The following PPP1R37 variants were observed in gnomAD, a reference collection of about 807,000 sequenced individuals.
PPP1R37 encodes the protein protein phosphatase 1 regulatory subunit 37.
A neutral mutation model predicts 61.0 loss-of-function variants in PPP1R37; 21 were observed. That is an observed-to-expected ratio of 0.34 (90% confidence interval 0.24 to 0.50). The LOEUF (loss-of-function observed/expected upper bound fraction) is 0.50, where lower values mean the gene tolerates loss of function less well. Among genes scored for constraint, PPP1R37 ranks in the 20% least tolerant of loss-of-function variants. The pLI is 0.98. For missense variants in PPP1R37, 910 were observed against 952.7 expected, an observed-to-expected ratio of 0.96 and a Z score of 0.59; for synonymous variants, 443 against 433.5, an observed-to-expected ratio of 1.02 and a Z score of -0.27.
chr19:45,104,029 C>T (rs957367463), intron 1 of PPP1R37, among the ~76,000 whole-genome samples: 6 of 152,132 alleles, frequency 3.9e-5, no homozygotes, highest in African/African-American at 4.8e-5. Context: ...GCACGCCCCT[C>T]GCTAGTCCCC....
intron 1 of PPP1R37, among the ~76,000 whole-genome samples, chr19:45,111,822 A>G (rs772421923): frequency 2.0e-5 from 3 of 152,198 alleles, no homozygotes; most frequent in East Asian, 3.9e-4. Flanking sequence ...AGGTTCAATA[A>G]AAAGGGAAAG....
intron 1 of PPP1R37, among the ~76,000 whole-genome samples, chr19:45,134,895 G>A (rs1014411237): frequency 6.6e-6 from 1 of 152,166 alleles, no homozygotes; most frequent in Non-Finnish European, 1.5e-5. Context: ...TGTGGGGAGT[G>A]AAGGTTGCCA....
At position 45,145,086 on chromosome 19, in the gene PPP1R37, C is replaced by G. The variant is rs1463413139; in HGVS notation, c.1130-8C>G. On this transcript the variant is annotated splice_polypyrimidine_tract_variant and splice_region_variant and intron_variant, in intron 9 of 12. Coordinates refer to ENST00000221462, the MANE Select transcript of PPP1R37 (RefSeq NM_019121.2). ...GGCCCGTGGCCAGCCCCTGCGGTGCCCCCCCAGGCGCGGTGGCGGTGGCGG... is the reference window on the plus strand; with the variant it reads ...GGCCCGTGGCCAGCCCCTGCGGTGCGCCCCCAGGCGCGGTGGCGGTGGCGG... 2.0e-6 allele frequency: 3 copies of G among 1,531,850 alleles called. No individual in the cohort carries two copies. The highest frequency in any genetic ancestry group is 2.6e-6 in the Non-Finnish European group (3 of 1,145,112). 94.9% of individuals were successfully genotyped at this position (1,531,850 alleles called of 1,614,324 possible).
At chr19:45,132,588 A>T (rs1968491787) in intron 1 of PPP1R37, among the ~76,000 whole-genome samples, 1 of 151,986 alleles carries the variant, frequency 6.6e-6, no homozygotes, top group African/African-American at 2.4e-5. Flanking sequence ...GGCACACACT[A>T]CCACGCCTGG....
At position 45,138,621 on chromosome 19, in the gene PPP1R37, G is replaced by A. The variant is rs1968568088; in HGVS notation, c.300+10G>A. The A allele has an allele frequency of 5.5e-6, 8 of 1,449,514 alleles. No homozygotes were observed. Among genetic ancestry groups the A allele is most frequent in the African/African-American group, 4.2e-5 (3 of 71,296 alleles). 89.8% of individuals were successfully genotyped at this position (1,449,514 alleles called of 1,614,324 possible). ...CCTCAGGCAGCTGCAGGTATGGGCG[G>A]GACAGGGTGGGTGCGTCCGGTGTGG... On this transcript the variant is annotated intron_variant, in intron 2 of 12. Coordinates refer to ENST00000221462, the MANE Select transcript of PPP1R37 (RefSeq NM_019121.2).
chr19:45,125,333 C>T (rs951858004), intron 1 of PPP1R37, among the ~76,000 whole-genome samples: 15 of 151,866 alleles, frequency 9.9e-5, no homozygotes, highest in Middle Eastern at 3.4e-3. Context: ...TGTGGTGGCG[C>T]GTGCCTGTAG....
Position 45,093,484 on chromosome 19 carries a change from T to C in PPP1R37, c.159T>C (p.Asp53=). The stretch of plus-strand genomic sequence containing the variant: ...GCGTCACATTCCCGTCCGACGAGGA[T>C]ATCGTGTCTGGAGCAGTGGAGCCCA... ...AKRVTFPSDE[D]IVSGAVEPKD... Residue 53 remains aspartate, a synonymous_variant, in exon 1 of 13, where the codon GAT becomes GAC. Transcript: ENST00000221462. 1 of 1,535,200 alleles carries C rather than the reference T, an allele frequency of 6.5e-7. No individual in the cohort carries two copies. The highest frequency in any genetic ancestry group is 8.7e-7 in the Non-Finnish European group (1 of 1,146,616).
At chr19:45,143,686 C>CT in intron 8 of PPP1R37, 53 bp downstream of exon 8, 1 of 1,050,858 alleles carries the variant, frequency 9.5e-7, no homozygotes, top group South Asian at 1.4e-5. Flanking sequence ...TGCCACCTCC[C>CT]ACTCCAGCTC....
At chr19:45,119,998 T>C (rs183651418) in intron 1 of PPP1R37, among the ~76,000 whole-genome samples, 1 of 150,992 alleles carries the variant, frequency 6.6e-6, no homozygotes, top group East Asian at 1.9e-4. Context: ...GAGCACAGAT[T>C]TTTTATTTTC....
chr19:45,146,124 GT>G, intron 11 of PPP1R37, 75 bp downstream of exon 11: 2 of 1,398,444 alleles, frequency 1.4e-6, no homozygotes, highest in Non-Finnish European at 1.9e-6. Flanking sequence ...CCTGCCTGTT[GT>G]GGACCTCAGT....
At chr19:45,132,070 A>G (rs1438466256) in intron 1 of PPP1R37, among the ~76,000 whole-genome samples, 1 of 152,138 alleles carries the variant, frequency 6.6e-6, no homozygotes, top group Non-Finnish European at 1.5e-5. Flanking sequence ...AAATACTCAC[A>G]CACCCAAACA....
chr19:45,104,847 T>G (rs1968109771), intron 1 of PPP1R37, among the ~76,000 whole-genome samples: 1 of 151,964 alleles, frequency 6.6e-6, no homozygotes, highest in African/African-American at 2.4e-5. Context: ...CGCAGGCAGC[T>G]CCCCACATCC....
Position 45,145,429 on chromosome 19 carries a change from C to T in PPP1R37, c.1373C>T (p.Ala458Val). The change falls in exon 11 of 13, where the codon GCG (alanine) becomes GTG (valine). Residue 458 changes from alanine (A) to valine (V), a missense_variant. Around this residue, in one of 3 missense-constraint regions of PPP1R37, gnomAD observed 549 missense variants for 505.1 expected, o/e 1.09. Transcript: ENST00000221462. ...GGCTGCAAGCGCAACTTGGTGCTGG[C>T]GCGGGAGAGGGAGGAGAAGGAGCAG... The part of the protein sequence containing the change: ...QNGCKRNLVL[A>V]REREEKEQPP... The T allele has an allele frequency of 2.6e-6, 4 of 1,535,284 alleles. No individual in the cohort carries two copies. Among genetic ancestry groups the T allele is most frequent in the Non-Finnish European group, 3.5e-6 (4 of 1,146,626 alleles).
chr19:45,098,027 A>G (rs1417503959), intron 1 of PPP1R37, among the ~76,000 whole-genome samples: 1 of 152,170 alleles, frequency 6.6e-6, no homozygotes, highest in Admixed American at 6.5e-5. Flanking sequence ...AAACAGGGCC[A>G]GTGATCCCTG....
intron 1 of PPP1R37, among the ~76,000 whole-genome samples, chr19:45,100,871 C>T (rs1968054528): frequency 6.6e-6 from 1 of 152,200 alleles, no homozygotes; most frequent in African/African-American, 2.4e-5. Context: ...CTGTCCTCAG[C>T]ATTGCCTGCT....
rs144950603 is a variant in PPP1R37, at chr19:45,135,142, G to A, written c.203-3372G>A. The stretch of plus-strand genomic sequence containing the variant: ...GTGTGCCTGTAATTCCAGCAACTCG[G>A]GAGGCTGAGGCAGGAGAATCGCTTG... On this transcript the variant is annotated intron_variant, in intron 1 of 12. Coordinates refer to ENST00000221462, the MANE Select transcript of PPP1R37 (RefSeq NM_019121.2). Among the ~76,000 whole-genome samples, 213 of 152,288 alleles carry A rather than the reference G, an allele frequency of 1.4e-3. 4 individuals carry two copies. Among genetic ancestry groups the A allele is most frequent in the Admixed American group, 0.012 (182 of 15,300 alleles).
chr19:45,106,807 CTTTTTTTTTTTTT>C (rs927426410), intron 1 of PPP1R37, among the ~76,000 whole-genome samples: 29 of 78,148 alleles, frequency 3.7e-4, no homozygotes, highest in East Asian at 2.9e-3. Context: ...TGTTGAGCAT[CTTTTTTTTTTTTT>C]TTTTTTTTTT....
chr19:45,146,219 G>T (rs985255139), intron 11 of PPP1R37, 170 bp downstream of exon 11: 2 of 948,140 alleles, frequency 2.1e-6, no homozygotes, highest in Non-Finnish European at 3.1e-6. Context: ...TTGGGTCCTG[G>T]GAGCTCTTCC....
At chr19:45,134,405 G>T (rs923833892) in intron 1 of PPP1R37, among the ~76,000 whole-genome samples, 1 of 152,128 alleles carries the variant, frequency 6.6e-6, no homozygotes, top group Non-Finnish European at 1.5e-5. Context: ...GGGCCTGGCG[G>T]GTGTGAGTGC....
Sources: allele counts gnomAD v4.1 joint callset (sites outside exome capture counted in the v4.1 genomes callset), GRCh38; gene constraint gnomAD v4.1.1; regional missense constraint gnomAD v4.1.1; transcripts MANE v1.5; gene names NCBI Gene and HGNC (gene_info 2026-07-23, HGNC 2026-07-21).